Variants in LIPH observed in about 807,000 individuals in gnomAD.
LIPH encodes lipase H.
LIPH carries 32 observed loss-of-function variants against 47.6 expected under a neutral mutation model. The ratio of observed to expected loss-of-function variants is 0.67; its 90% CI spans 0.51 to 0.90. The LOEUF is 0.90. Ranked by LOEUF, LIPH falls within the 40% of genes least tolerant of loss-of-function variation. LIPH has a pLI of 0.00. For missense variants in LIPH, 497 were observed against 541.4 expected (o/e 0.92, Z 0.81); for synonymous variants, 190 against 195.6 (o/e 0.97, Z 0.24).
At chr3:185,541,905 C>T (rs1469398562) in intron 1 of LIPH, among the ~76,000 whole-genome samples, 1 of 151,028 alleles carries the variant, frequency 6.6e-6, no homozygotes, top group South Asian at 2.1e-4. Flanking sequence ...TACAGACGTG[C>T]GCCACCACAC....
chr3:185,541,161 A>G (rs966745269), intron 1 of LIPH, among the ~76,000 whole-genome samples: 2 of 152,188 alleles, frequency 1.3e-5, no homozygotes, highest in South Asian at 2.1e-4. Context: ...TTCAAAATAA[A>G]TGTTTAAGCC....
intron 3 of LIPH, among the ~76,000 whole-genome samples, chr3:185,529,989 AG>A (rs1266806339): frequency 2.6e-5 from 4 of 150,992 alleles, no homozygotes; most frequent in African/African-American, 4.9e-5. Flanking sequence ...AGAGAGAGAG[AG>A]AAAATAAGCA....
At chr3:185,539,810 G>A (rs1053690008) in intron 1 of LIPH, among the ~76,000 whole-genome samples, 10 of 152,216 alleles carry the variant, frequency 6.6e-5, no homozygotes, top group African/African-American at 2.2e-4. Context: ...CCATAGAAGT[G>A]CCTAAGACCT....
At chr3:185,538,735 A>ACATATATATGCCCCTTT (rs1720582701) in intron 1 of LIPH, among the ~76,000 whole-genome samples, 1 of 82,330 alleles carries the variant, frequency 1.2e-5, no homozygotes, top group African/African-American at 3.9e-5. Context: ...GTACATATAT[A>ACATATATATGCCCCTTT]TACATATATG....
chr3:185,548,232 C>T (rs931053088), intron 1 of LIPH, among the ~76,000 whole-genome samples: 1 of 151,966 alleles, frequency 6.6e-6, no homozygotes, highest in Non-Finnish European at 1.5e-5. Flanking sequence ...TGGTGAAACC[C>T]TGTCTCTACT....
intron 1 of LIPH, among the ~76,000 whole-genome samples, chr3:185,550,912 G>T (rs193246599): frequency 6.6e-6 from 1 of 152,214 alleles, no homozygotes; most frequent in South Asian, 2.1e-4. Flanking sequence ...TAGGCCGGGC[G>T]CGGTGGCTCA....
At chr3:185,522,401 TG>T (rs1394534921) in intron 5 of LIPH, among the ~76,000 whole-genome samples, 1 of 150,818 alleles carries the variant, frequency 6.6e-6, no homozygotes, top group Admixed American at 6.6e-5. Flanking sequence ...CCTAACACTT[TG>T]GGAGGCCAAG....
chr3:185,533,990 G>A (rs905159531), intron 2 of LIPH, among the ~76,000 whole-genome samples: 1 of 152,162 alleles, frequency 6.6e-6, no homozygotes, highest in Admixed American at 6.6e-5. Context: ...GTGGGAGGCC[G>A]AGGCGGGCAG....
At chr3:185,539,720 C>A (rs1158886935) in intron 1 of LIPH, among the ~76,000 whole-genome samples, 1 of 152,142 alleles carries the variant, frequency 6.6e-6, no homozygotes, top group African/African-American at 2.4e-5. Flanking sequence ...TATTTTATGA[C>A]CCACTCTCAG....
rs780802319 is a variant in LIPH, at chr3:185,508,008, G to A, written c.*782C>T. 1 of 152,210 alleles carries A rather than the reference G, an allele frequency of 6.6e-6. No individual in the cohort carries two copies. The highest frequency in any genetic ancestry group is 1.5e-5 in the Non-Finnish European group (1 of 68,168). The allele number at this position is 152,210 out of a possible 1,614,324, so 9.4% of individuals were successfully genotyped here. A position where few individuals can be genotyped will look rare whatever the true frequency, so the allele number is the denominator to read the frequency against. On this transcript the variant is annotated 3_prime_UTR_variant, in exon 10 of 10. Coordinates refer to ENST00000296252, the MANE Select transcript of LIPH (RefSeq NM_139248.3). Reference sequence around the variant, plus strand: ...TCCCCATGTGAAGAGGCTGCCCCACGGCTTCCTCGTCCTTCTTTCTTCATC... The same window carrying A: ...TCCCCATGTGAAGAGGCTGCCCCACAGCTTCCTCGTCCTTCTTTCTTCATC...
At chr3:185,537,165 G>A (rs778805754) in intron 1 of LIPH, among the ~76,000 whole-genome samples, 5 of 152,146 alleles carry the variant, frequency 3.3e-5, no homozygotes, top group Non-Finnish European at 7.4e-5. Flanking sequence ...GATTACAGGC[G>A]TGAGCCATCG....
rs562775361 is a variant in LIPH, at chr3:185,539,431, G to A, written c.50-4299C>T. 2.7e-3 allele frequency among the ~76,000 whole-genome samples: 387 copies of A among 146,016 alleles called. 1 individual carries two copies. Among genetic ancestry groups the A allele is most frequent in the African/African-American group, 9.4e-3 (368 of 39,310 alleles). On this transcript the variant is annotated intron_variant, in intron 1 of 9. Coordinates refer to ENST00000296252, the MANE Select transcript of LIPH (RefSeq NM_139248.3). Reference sequence around the variant, plus strand: ...GTTGCCCAGGCTGGAGTGCAGTGGCGTGATCTTGGATGACTGCAACATCGG... The same window carrying A: ...GTTGCCCAGGCTGGAGTGCAGTGGCATGATCTTGGATGACTGCAACATCGG...
At chr3:185,534,666 A>G (rs900408860) in intron 2 of LIPH, 99 bp downstream of exon 2, 81 of 1,260,600 alleles carry the variant, frequency 6.4e-5, no homozygotes, top group Non-Finnish European at 8.2e-5. Flanking sequence ...ATGTTGCAAT[A>G]TAGGCCTCCT....
chr3:185,527,568 G>C lies in LIPH; in HGVS notation c.544C>G (p.Pro182Ala). Residue 182 changes from proline to alanine, a missense_variant, in exon 4 of 10, where the codon CCT (proline) becomes GCT (alanine). Coordinates refer to ENST00000296252, the MANE Select transcript of LIPH (RefSeq NM_139248.3). The part of the protein sequence containing the change: ...GRITGLDPAG[P>A]LFNGKPHQDR... ...TGGTGAGGTTTCCCGTTGAATAAAG[G>C]GCCTGCAGGGTCGAGGCCTGGAAGG... The C allele has an allele frequency of 6.2e-7, 1 of 1,611,718 alleles. No homozygotes were observed. The highest frequency in any genetic ancestry group is 1.1e-5 in the South Asian group (1 of 90,714).
rs1281489710 is a variant in LIPH at position 185,508,625 on chromosome 3, A to G, written c.*165T>C. 1 of 653,300 alleles carries G rather than the reference A, an allele frequency of 1.5e-6. No individual in the cohort carries two copies. Among genetic ancestry groups the G allele is most frequent in the African/African-American group, 1.8e-5 (1 of 54,958 alleles). 40.5% of individuals were successfully genotyped at this position (653,300 alleles called of 1,614,324 possible). On this transcript the variant is annotated 3_prime_UTR_variant, in exon 10 of 10. Transcript: ENST00000296252. ...TCCTTCCCAGGATCGTTTTATAATC[A>G]CAAGGTTGTTTGATGTACAATGTGA... is the stretch of plus-strand genomic sequence containing the variant.
intron 9 of LIPH, 127 bp downstream of exon 9, chr3:185,511,397 G>T: frequency 2.2e-6 from 2 of 899,636 alleles, no homozygotes; most frequent in Non-Finnish European, 1.8e-6. Context: ...AACTATTTTT[G>T]GAAAACCCAT....
chr3:185,529,881 AAGAG>A (rs1251299687), intron 3 of LIPH, among the ~76,000 whole-genome samples: 3 of 150,058 alleles, frequency 2.0e-5, no homozygotes, highest in Non-Finnish European at 3.0e-5. Flanking sequence ...CAGACCAAGC[AAGAG>A]AGAGAGAGAA....
intron 1 of LIPH, among the ~76,000 whole-genome samples, chr3:185,538,829 A>T (rs1054697027): frequency 3.6e-5 from 1 of 27,438 alleles, no homozygotes; most frequent in East Asian, 1.2e-3. Flanking sequence ...ACACATATAC[A>T]TATATACATA....
chr3:185,522,014 G>A (rs1451851556), intron 5 of LIPH, among the ~76,000 whole-genome samples: 2 of 152,112 alleles, frequency 1.3e-5, no homozygotes, highest in Non-Finnish European at 2.9e-5. Context: ...TATAACTGCT[G>A]AAATAGAACC....
Sources: gnomAD v4.1 joint callset for allele counts (sites outside exome capture counted in the v4.1 genomes callset) on GRCh38, gnomAD v4.1.1 for gene constraint, MANE v1.5 for transcripts, NCBI Gene and HGNC (gene_info 2026-07-23, HGNC 2026-07-21) for gene names.